SETDB1: variants seen among roughly 807,000 people sequenced by gnomAD.
SETDB1 encodes SET domain bifurcated histone lysine methyltransferase 1.
SETDB1 carries 31 observed loss-of-function variants against 137.4 expected under a neutral mutation model. The ratio of observed to expected loss-of-function variants is 0.23; its 90% confidence interval spans 0.17 to 0.30. The LOEUF is 0.30. SETDB1 is among the 10% of genes least tolerant of loss of function. The probability of loss-of-function intolerance (pLI) is 1.00; values close to 1 mark genes in which losing one functional copy is unlikely to be tolerated. For missense variants in SETDB1, 1,113 were observed against 1,631.5 expected (o/e 0.68, Z 5.47); for synonymous variants, 548 against 579.9 (o/e 0.95, Z 0.79).
At chr1:150,928,087 T>TCAAAA in intron 2 of SETDB1, 113 bp downstream of exon 2, 2 of 1,299,790 alleles carry the variant, frequency 1.5e-6, no homozygotes, top group Non-Finnish European at 2.1e-6. Context: ...AGACGGAGTC[T>TCAAAA]CGCTCTGTCA....
chr1:150,949,081 A>C, intron 10 of SETDB1, 41 bp from the exon 11 acceptor site: 1 of 1,580,508 alleles, frequency 6.3e-7, no homozygotes, highest in Non-Finnish European at 8.7e-7. Context: ...CAAGCGTCAT[A>C]GCTATCATCT....
At chr1:150,940,984 C>G (rs1240888213) in intron 4 of SETDB1, among the ~76,000 whole-genome samples, 2 of 147,000 alleles carry the variant, frequency 1.4e-5, no homozygotes, top group African/African-American at 2.5e-5. Context: ...GGCAACAGAG[C>G]CAGACTCCAT....
In SETDB1 at chr1:150,943,981, A is replaced by G; in HGVS notation, c.937A>G (p.Ile313Val). 1 of 1,611,932 alleles carries G rather than the reference A, an allele frequency of 6.2e-7. No homozygotes were observed. Among genetic ancestry groups the G allele is most frequent in the Non-Finnish European group, 8.5e-7 (1 of 1,178,068 alleles). Reference sequence around the variant, plus strand: ...TGTCACACAGTCGGAACTGTATCCCATTTGCCGGCCACGTGAGTGTTTCTC... The same window carrying G: ...TGTCACACAGTCGGAACTGTATCCCGTTTGCCGGCCACGTGAGTGTTTCTC... ...SYVTQSELYP[I>V]CRPLKKTWED... The change falls in exon 8 of 22, where the codon ATT becomes GTT. Residue 313 changes from isoleucine to valine, a missense_variant. Around this residue, in one of 11 missense-constraint regions of SETDB1, gnomAD observed 154 missense variants for 303.1 expected, o/e 0.51. Coordinates refer to ENST00000692827, the MANE Select transcript of SETDB1 (RefSeq NM_001366418.1).
chr1:150,945,724 G>GTGTTT (rs1670301362), intron 9 of SETDB1, among the ~76,000 whole-genome samples: 1 of 152,050 alleles, frequency 6.6e-6, no homozygotes, highest in Non-Finnish European at 1.5e-5. Context: ...TTTTTGTTTG[G>GTGTTT]TGTTTTGTTT....
chr1:150,933,023 A>C (rs776901230), intron 3 of SETDB1, among the ~76,000 whole-genome samples: 2 of 151,432 alleles, frequency 1.3e-5, no homozygotes, highest in Non-Finnish European at 1.5e-5. Flanking sequence ...CAGAGAATAT[A>C]CTTTGTATAA....
intron 3 of SETDB1, among the ~76,000 whole-genome samples, chr1:150,932,450 T>C (rs1166813176): frequency 2.6e-5 from 4 of 152,162 alleles, no homozygotes; most frequent in Non-Finnish European, 4.4e-5. Flanking sequence ...CTTGGACTTT[T>C]CTTTGTGGAT....
At chr1:150,936,904 C>T (rs1441363966) in intron 3 of SETDB1, among the ~76,000 whole-genome samples, 2 of 152,206 alleles carry the variant, frequency 1.3e-5, no homozygotes, top group South Asian at 2.1e-4. Context: ...GCGGGTGGAT[C>T]GCCTGAGGTC....
At chr1:150,953,913 G>A (rs587647001) in intron 14 of SETDB1, among the ~76,000 whole-genome samples, 1 of 151,252 alleles carries the variant, frequency 6.6e-6, no homozygotes, top group African/African-American at 2.4e-5. Context: ...GGAGTGCAGT[G>A]GCGTGATCTC....
Position 150,943,967 on chromosome 1 carries a change from C to T in SETDB1, c.923C>T (p.Ser308Leu), listed in dbSNP as rs201070262. ...DDGYASYVTQ[S>L]ELYPICRPLK... The stretch of plus-strand genomic sequence containing the variant: ...GGCTATGCTTCCTATGTCACACAGT[C>T]GGAACTGTATCCCATTTGCCGGCCA... Residue 308 changes from serine to leucine, a missense_variant, in exon 8 of 22, where the codon TCG becomes TTG. Around this residue, in one of 11 missense-constraint regions of SETDB1, gnomAD observed 154 missense variants for 303.1 expected, o/e 0.51. Transcript: ENST00000692827. 8.1e-6 allele frequency: 13 copies of T among 1,613,248 alleles called. No individual in the cohort carries two copies. Among genetic ancestry groups the T allele is most frequent in the Middle Eastern group, 1.7e-4 (1 of 6,060 alleles).
At chr1:150,933,743 AT>A (rs1341505634) in intron 3 of SETDB1, among the ~76,000 whole-genome samples, 1 of 100,520 alleles carries the variant, frequency 9.9e-6, no homozygotes, top group Non-Finnish European at 1.9e-5. Context: ...CATTCTTCTG[AT>A]TTTTCTTTTT....
intron 6 of SETDB1, 74 bp from the exon 7 acceptor site, chr1:150,942,778 T>C: frequency 6.3e-7 from 1 of 1,597,416 alleles, no homozygotes; most frequent in Non-Finnish European, 8.6e-7. Flanking sequence ...TTCCCATTTG[T>C]CTCTCACATA....
chr1:150,941,407 A>C lies in SETDB1; in HGVS notation c.526A>C (p.Ser176Arg). Residue 176 changes from serine (S) to arginine (R), a missense_variant, in exon 5 of 22, where the codon AGT (serine) becomes CGT (arginine). Ser to Arg is a moderately radical substitution (Grantham distance 110, BLOSUM62 -1). This residue lies in a region of SETDB1 where 159 missense variants were observed against 188.6 expected (regional missense o/e 0.84). Transcript: ENST00000692827. Reference sequence around the variant, plus strand: ...CATGGATGCTGTCAACAAGAAGAGCAGTTCCCAGGATCTGCATAAAGGTTA... The same window carrying C: ...CATGGATGCTGTCAACAAGAAGAGCCGTTCCCAGGATCTGCATAAAGGTTA... ...KFMDAVNKKS[S>R]SQDLHKGTLS... is the part of the protein sequence containing the mutation. The C allele has an allele frequency of 6.2e-7, 1 of 1,611,052 alleles. No individual in the cohort carries two copies.
At position 150,964,400 on chromosome 1, in the gene SETDB1, G is replaced by A. The variant is rs781212062; in HGVS notation, c.*36G>A. On this transcript the variant is annotated 3_prime_UTR_variant, in exon 22 of 22. Coordinates refer to ENST00000692827, the MANE Select transcript of SETDB1 (RefSeq NM_001366418.1). ...TCTTCCCAACCCTTCTTGAACTGTC[G>A]TTTCCTCAGGAACTGGGTCTTCCTG... The A allele has an allele frequency of 2.6e-5, 39 of 1,479,554 alleles. No individual in the cohort carries two copies. Among genetic ancestry groups the A allele is most frequent in the African/African-American group, 5.5e-5 (4 of 72,250 alleles). The allele number at this position is 1,479,554 out of a possible 1,614,324, so 91.7% of individuals were successfully genotyped here.
At chr1:150,964,215 T>C (rs377746339) in intron 21 of SETDB1, 32 bp from the exon 22 acceptor site, 5 of 1,595,710 alleles carry the variant, frequency 3.1e-6, no homozygotes, top group Non-Finnish European at 4.3e-6. Flanking sequence ...TCTGCTGTCT[T>C]TGCCACACAC....
chr1:150,927,160 CTT>C (rs1669553212), intron 1 of SETDB1, among the ~76,000 whole-genome samples: 1 of 152,286 alleles, frequency 6.6e-6, no homozygotes, highest in South Asian at 2.1e-4. Flanking sequence ...CAGGGTCTCA[CTT>C]TGTCACCCAA....
chr1:150,942,371 CAGGG>C (rs1670191324), intron 5 of SETDB1, among the ~76,000 whole-genome samples, 188 bp from the exon 6 acceptor site: 1 of 150,290 alleles, frequency 6.7e-6, no homozygotes, highest in African/African-American at 2.5e-5. Context: ...CGCTGGAACC[CAGGG>C]AGGCGGAGGT....
intron 12 of SETDB1, 102 bp downstream of exon 12, chr1:150,949,627 G>T: frequency 9.9e-7 from 1 of 1,011,736 alleles, no homozygotes; most frequent in Non-Finnish European, 1.5e-6. Flanking sequence ...TTAAGCTTAT[G>T]ATAGTGAGGA....
chr1:150,944,163 A>G (rs1670250333), intron 8 of SETDB1, 170 bp downstream of exon 8: 3 of 612,676 alleles, frequency 4.9e-6, no homozygotes, highest in African/African-American at 3.7e-5. Flanking sequence ...AAAGAGATAC[A>G]GTTTTATTGT....
At chr1:150,935,478 C>A (rs948517613) in intron 3 of SETDB1, among the ~76,000 whole-genome samples, 1 of 151,712 alleles carries the variant, frequency 6.6e-6, no homozygotes, top group South Asian at 2.1e-4. Flanking sequence ...ATTTCCATTA[C>A]ATATATGGTG....
Sources: allele counts gnomAD v4.1 joint callset (sites outside exome capture counted in the v4.1 genomes callset), GRCh38; gene constraint gnomAD v4.1.1; regional missense constraint gnomAD v4.1.1; transcripts MANE v1.5; gene names NCBI Gene and HGNC (gene_info 2026-07-23, HGNC 2026-07-21).